The following IL23R variants were observed in gnomAD, a reference collection of about 807,000 sequenced individuals.
IL23R encodes interleukin 23 receptor, also known as interleukin-23 receptor.
A neutral mutation model predicts 56.9 loss-of-function variants in IL23R; 34 were observed. The ratio of observed to expected loss-of-function variants is 0.60; its 90% confidence interval spans 0.45 to 0.80. The LOEUF (loss-of-function observed/expected upper bound fraction) is 0.80, where lower values mean the gene tolerates loss of function less well. Among genes scored for constraint, IL23R ranks in the 30% least tolerant of loss-of-function variants. The pLI is 0.00. For synonymous variants in IL23R, 230 were observed against 249.2 expected (o/e 0.92, Z 0.73); for missense variants, 635 against 730.0 (o/e 0.87, Z 1.50).
intron 4 of IL23R, among the ~76,000 whole-genome samples, chr1:67,183,257 C>T (rs529429027): frequency 6.6e-5 from 10 of 152,310 alleles, no homozygotes; most frequent in East Asian, 3.9e-4. Flanking sequence ...TTGCTTAGGA[C>T]GGGCACAGTG....
intron 7 of IL23R, among the ~76,000 whole-genome samples, chr1:67,235,596 G>T (rs957780896): frequency 3.9e-4 from 59 of 152,164 alleles, no homozygotes; most frequent in African/African-American, 1.4e-3. Flanking sequence ...GTTTCACCAT[G>T]TTGCCCAGGC....
intron 4 of IL23R, among the ~76,000 whole-genome samples, chr1:67,183,237 T>A (rs1488021279): frequency 1.3e-5 from 2 of 152,200 alleles, no homozygotes; most frequent in Non-Finnish European, 2.9e-5. Flanking sequence ...CCTAGCACAG[T>A]TTTAAGCCAT....
intron 6 of IL23R, among the ~76,000 whole-genome samples, chr1:67,211,102 G>T (rs113526915): frequency 2.6e-5 from 4 of 152,118 alleles, no homozygotes; most frequent in Admixed American, 2.6e-4. Flanking sequence ...GAACTTTATG[G>T]TTGTTTGCAT....
rs533293822 is a variant in IL23R at position 67,203,866 on chromosome 1, G to C, written c.652+2969G>C. Among the ~76,000 whole-genome samples the C allele has an allele frequency of 2.0e-5, 3 of 152,272 alleles. No individual in the cohort carries two copies. The South Asian group carries it at 6.2e-4, about 32-fold the overall frequency. The stretch of plus-strand genomic sequence containing the variant: ...TGCCAAAAAAGCATATGAGAGGAAT[G>C]CTTTTAACTTCTCTTGTAGGGAAAT... On this transcript the variant is annotated intron_variant, in intron 5 of 10. Coordinates refer to ENST00000347310, the MANE Select transcript of IL23R (RefSeq NM_144701.3).
chr1:67,212,412 G>T (rs377201064), intron 6 of IL23R, among the ~76,000 whole-genome samples: 3 of 152,214 alleles, frequency 2.0e-5, no homozygotes, highest in African/African-American at 7.2e-5. Context: ...CTTTAGCTCC[G>T]TGGTGGCATT....
chr1:67,249,406 T>G (rs1007720358), intron 9 of IL23R, among the ~76,000 whole-genome samples: 13 of 152,284 alleles, frequency 8.5e-5, no homozygotes, highest in Non-Finnish European at 1.3e-4. Context: ...TTTCAGAAAT[T>G]GCATTAGCAT....
At chr1:67,228,565 A>G (rs753469878) in intron 7 of IL23R, among the ~76,000 whole-genome samples, 2 of 151,912 alleles carry the variant, frequency 1.3e-5, no homozygotes, top group Admixed American at 6.6e-5. Flanking sequence ...GTCACAAATC[A>G]TCACAAACTT....
chr1:67,221,917 C>A (rs1650278813), intron 7 of IL23R, among the ~76,000 whole-genome samples: 1 of 151,962 alleles, frequency 6.6e-6, no homozygotes, highest in African/African-American at 2.4e-5. Context: ...TGCCTGTAAT[C>A]CCAGCACATT....
Position 67,169,323 on chromosome 1 carries a change from T to G in IL23R, c.71-19T>G. 1 of 1,569,612 alleles carries G rather than the reference T, an allele frequency of 6.4e-7. No homozygotes were observed. Among genetic ancestry groups the G allele is most frequent in the East Asian group, 2.2e-5 (1 of 44,664 alleles). The stretch of plus-strand genomic sequence containing the variant: ...TTAATGTTTTACGTGTAATTTATTA[T>G]TTTTCCATTTATTTCTAGGAATTAC... On this transcript the variant is annotated intron_variant, in intron 2 of 10. Transcript: ENST00000347310.
intron 6 of IL23R, among the ~76,000 whole-genome samples, chr1:67,216,139 A>C (rs1321137730): frequency 2.6e-5 from 4 of 152,120 alleles, no homozygotes; most frequent in Non-Finnish European, 5.9e-5. Context: ...TGCGAACGGC[A>C]ATCCACACCT....
intron 6 of IL23R, among the ~76,000 whole-genome samples, chr1:67,214,962 A>G (rs1649735415): frequency 6.6e-6 from 1 of 152,224 alleles, no homozygotes; most frequent in African/African-American, 2.4e-5. Flanking sequence ...ATAGAAGAAC[A>G]TTGTGAAACT....
At chr1:67,191,268 A>G (rs78589735) in intron 4 of IL23R, among the ~76,000 whole-genome samples, 1 of 152,092 alleles carries the variant, frequency 6.6e-6, no homozygotes, top group Non-Finnish European at 1.5e-5. Context: ...CCTGCTTCCT[A>G]CTTTCCTGAG....
At chr1:67,264,945 G>T (rs10789230), downstream of IL23R, among the ~76,000 whole-genome samples, 49,358 of 151,174 alleles carry the variant, frequency 0.33, 9,176 homozygotes, top group East Asian at 0.76. Flanking sequence ...AGACGGGGTT[G>T]GGGGGGAACC....
chr1:67,218,058 G>A (rs1408545015), intron 6 of IL23R, among the ~76,000 whole-genome samples: 2 of 151,924 alleles, frequency 1.3e-5, no homozygotes, highest in Admixed American at 1.3e-4. Flanking sequence ...TCAGTTACTA[G>A]AACATACTGA....
intron 5 of IL23R, among the ~76,000 whole-genome samples, chr1:67,202,591 A>T (rs1648717251): frequency 6.6e-6 from 1 of 152,258 alleles, no homozygotes; most frequent in African/African-American, 2.4e-5. Context: ...TGTAGATGAG[A>T]TTATAATTTA....
In IL23R at chr1:67,214,586, A is replaced by G. The variant is rs529677142; in HGVS notation, c.799-4988A>G. Among the ~76,000 whole-genome samples, 4 of 152,360 alleles carry G rather than the reference A, an allele frequency of 2.6e-5. No homozygotes were observed. In the South Asian group the frequency reaches 8.3e-4, roughly 32 times the overall value. On this transcript the variant is annotated intron_variant, in intron 6 of 10. Transcript: ENST00000347310. ...GCACCACCAGGGGGAGCAGAGAATG[A>G]GAGTTTCAACCAGAAAACAGTTGGT...
At chr1:67,166,609 A>G (rs1230517629) in intron 1 of IL23R, 68 bp downstream of exon 1, 1 of 152,378 alleles carries the variant, frequency 6.6e-6, no homozygotes, top group Non-Finnish European at 1.5e-5. Flanking sequence ...ACATGGGCCA[A>G]GTTGTTTTCT....
intron 9 of IL23R, among the ~76,000 whole-genome samples, chr1:67,248,880 G>A (rs989597112): frequency 7.9e-5 from 12 of 152,126 alleles, no homozygotes; most frequent in African/African-American, 2.4e-4. Flanking sequence ...GTTCCTCCCC[G>A]TACAGTCTGT....
intron 4 of IL23R, among the ~76,000 whole-genome samples, chr1:67,198,227 G>A (rs1418075952): frequency 2.6e-5 from 4 of 152,156 alleles, no homozygotes; most frequent in Non-Finnish European, 5.9e-5. Context: ...GATTTGGAGA[G>A]GATGAGGGTG....
Sources: allele counts gnomAD v4.1 joint callset (sites outside exome capture counted in the v4.1 genomes callset), GRCh38; gene constraint gnomAD v4.1.1; transcripts MANE v1.5; gene names NCBI Gene and HGNC (gene_info 2026-07-23, HGNC 2026-07-21).